The following EDAR variants were observed in gnomAD, a reference collection of about 807,000 sequenced individuals.
EDAR encodes tumor necrosis factor receptor superfamily member EDAR.
A neutral mutation model predicts 51.3 loss-of-function variants in EDAR; 38 were observed. The observed-to-expected ratio is 0.74, with a 90% confidence interval of 0.57 to 0.97. The LOEUF (loss-of-function observed/expected upper bound fraction) is 0.97. EDAR is among the 50% of genes least tolerant of loss of function. The pLI is 0.00. For synonymous variants in EDAR, 227 were observed against 242.1 expected, an observed-to-expected ratio of 0.94 and a Z score of 0.58; for missense variants, 528 against 595.0, an observed-to-expected ratio of 0.89 and a Z score of 1.17.
At chr2:108,958,240 C>T (rs1278406772) in intron 1 of EDAR, among the ~76,000 whole-genome samples, 1 of 152,144 alleles carries the variant, frequency 6.6e-6, no homozygotes, top group Non-Finnish European at 1.5e-5. Flanking sequence ...AAGATTTATA[C>T]CTGACACCTT....
At chr2:108,944,895 C>T (rs1011341623) in intron 1 of EDAR, among the ~76,000 whole-genome samples, 10 of 152,132 alleles carry the variant, frequency 6.6e-5, no homozygotes, top group Non-Finnish European at 1.2e-4. Context: ...GAACTGACGC[C>T]GGGGAGGTGC....
chr2:108,909,975 G>A (rs1696886441), intron 9 of EDAR, among the ~76,000 whole-genome samples: 1 of 152,220 alleles, frequency 6.6e-6, no homozygotes. Context: ...CTTGCTCCTG[G>A]GCTGTGGAGG....
intron 1 of EDAR, among the ~76,000 whole-genome samples, chr2:108,955,970 A>G (rs888447768): frequency 1.3e-5 from 2 of 152,208 alleles, no homozygotes; most frequent in Non-Finnish European, 2.9e-5. Context: ...TGGAGCTTGC[A>G]GTGAGCCGAG....
At position 108,912,672 on chromosome 2, in the gene EDAR, C is replaced by T. The variant is rs1047715256; in HGVS notation, c.529+6G>A. 5 of 1,583,682 alleles carry T rather than the reference C, an allele frequency of 3.2e-6. No homozygotes were observed. In the African/African-American group the frequency reaches 6.7e-5, roughly 21 times the overall value. The stretch of plus-strand genomic sequence containing the variant: ...CAGGTGATCGATACCTGAGCACCCT[C>T]CTCACCTTTGTGGGCGTGCTGGAAG... On this transcript the variant is annotated splice_donor_region_variant and intron_variant, in intron 6 of 11. Transcript: ENST00000258443.
chr2:108,928,070 C>T (rs760982291), intron 4 of EDAR, among the ~76,000 whole-genome samples: 2 of 152,140 alleles, frequency 1.3e-5, no homozygotes, highest in African/African-American at 4.8e-5. Context: ...CAGCTTCGAG[C>T]GGAAGGCTCA....
rs1225406006 is a variant in EDAR at position 108,896,917 on chromosome 2, G to C, written c.1337C>G (p.Ala446Gly). The change falls in exon 12 of 12, where the codon GCT becomes GGT. Residue 446 changes from alanine (A) to glycine (G), a missense_variant. Physicochemically the swap from Ala to Gly is moderately conservative, Grantham distance 60 (BLOSUM62 0). Coordinates refer to ENST00000258443, the MANE Select transcript of EDAR (RefSeq NM_022336.4). ...GVVPPASQPH[A>G]AS ...CCACAGGCATGCTTTTCAGGATGCA[G>C]CATGTGGCTGGGAGGCAGGTGGCAC... The C allele has an allele frequency of 6.2e-7, 1 of 1,612,090 alleles. No homozygotes were observed. Among genetic ancestry groups the C allele is most frequent in the South Asian group, 1.1e-5 (1 of 90,496 alleles).
intron 5 of EDAR, among the ~76,000 whole-genome samples, chr2:108,914,976 G>A (rs1465843743): frequency 6.6e-6 from 1 of 152,234 alleles, no homozygotes; most frequent in African/African-American, 2.4e-5. Context: ...GCAGTGGCAC[G>A]ATCTTGGCTC....
At chr2:108,921,117 GC>G (rs1228481359) in intron 5 of EDAR, among the ~76,000 whole-genome samples, 1 of 152,198 alleles carries the variant, frequency 6.6e-6, no homozygotes, top group Non-Finnish European at 1.5e-5. Flanking sequence ...GAAACCCTCT[GC>G]TTCACAGAGG....
At chr2:108,987,827 T>C (rs1292308688) in intron 1 of EDAR, among the ~76,000 whole-genome samples, 1 of 152,236 alleles carries the variant, frequency 6.6e-6, no homozygotes, top group Non-Finnish European at 1.5e-5. Flanking sequence ...ACTCTCTTTT[T>C]GGTGGCCTCT....
intron 1 of EDAR, among the ~76,000 whole-genome samples, chr2:108,975,200 G>C (rs1366644745): frequency 6.6e-6 from 1 of 152,222 alleles, no homozygotes; most frequent in East Asian, 1.9e-4. Flanking sequence ...AGCCTGTGTG[G>C]GAAGGGGCAA....
At chr2:108,951,467 A>T (rs1260946989) in intron 1 of EDAR, among the ~76,000 whole-genome samples, 1 of 152,144 alleles carries the variant, frequency 6.6e-6, no homozygotes, top group Non-Finnish European at 1.5e-5. Flanking sequence ...ACTCCAGAAA[A>T]ACTGAAATGA....
At chr2:108,978,421 G>A (rs1197437365) in intron 1 of EDAR, among the ~76,000 whole-genome samples, 6 of 152,052 alleles carry the variant, frequency 3.9e-5, no homozygotes, top group South Asian at 2.1e-4. Flanking sequence ...TCGACTCTGC[G>A]TGTCTTTGCT....
chr2:108,977,622 G>A lies in EDAR; in HGVS notation c.-19+11338C>T, dbSNP rs191500542. Among the ~76,000 whole-genome samples, 9 of 152,224 alleles carry A rather than the reference G, an allele frequency of 5.9e-5. No individual in the cohort carries two copies. The East Asian group carries it at 1.7e-3, about 30-fold the overall frequency. On this transcript the variant is annotated intron_variant, in intron 1 of 11. Transcript: ENST00000258443. The stretch of plus-strand genomic sequence containing the variant: ...GAAGTGGAAGACTGTTCCTTGGAGT[G>A]AGGAGGGACTGGGGACATCTGGACG...
intron 1 of EDAR, among the ~76,000 whole-genome samples, chr2:108,957,400 T>C (rs1190080066): frequency 6.6e-6 from 1 of 152,236 alleles, no homozygotes; most frequent in Non-Finnish European, 1.5e-5. Flanking sequence ...TGACATCTGT[T>C]TGGGCATATC....
At chr2:108,968,359 T>C (rs923147566) in intron 1 of EDAR, among the ~76,000 whole-genome samples, 1 of 152,184 alleles carries the variant, frequency 6.6e-6, no homozygotes. Flanking sequence ...GGATTATGCA[T>C]CCCTATAGAA....
chr2:108,928,387 TGA>T (rs2105442921), intron 4 of EDAR, among the ~76,000 whole-genome samples: 1 of 152,320 alleles, frequency 6.6e-6, no homozygotes, highest in South Asian at 2.1e-4. Context: ...TAGGACACTC[TGA>T]GTGTGCCTTA....
chr2:108,921,943 C>G (rs1697149179), intron 5 of EDAR, among the ~76,000 whole-genome samples: 1 of 152,254 alleles, frequency 6.6e-6, no homozygotes. Context: ...TCGGAGCCGG[C>G]TTTCAGTAAA....
chr2:108,927,288 T>C (rs1225355870), intron 4 of EDAR, among the ~76,000 whole-genome samples: 1 of 152,120 alleles, frequency 6.6e-6, no homozygotes, highest in African/African-American at 2.4e-5. Context: ...CACTGTCCCA[T>C]GGAGTAGGGC....
At chr2:108,987,079 G>C (rs1022319516) in intron 1 of EDAR, among the ~76,000 whole-genome samples, 1 of 152,216 alleles carries the variant, frequency 6.6e-6, no homozygotes, top group Non-Finnish European at 1.5e-5. Context: ...GAGCCCAGCT[G>C]AGGGGCTGAG....
Sources: gnomAD v4.1 joint callset for allele counts (sites outside exome capture counted in the v4.1 genomes callset) on GRCh38, gnomAD v4.1.1 for gene constraint, MANE v1.5 for transcripts, NCBI Gene and HGNC (gene_info 2026-07-23, HGNC 2026-07-21) for gene names.